Variants in AKAP6 observed in about 807,000 individuals in gnomAD.
AKAP6 encodes the protein A-kinase anchor protein 6.
In AKAP6, 58 loss-of-function variants were observed where a neutral mutation model predicts 188.5. The ratio of observed to expected loss-of-function variants is 0.31; its 90% CI spans 0.25 to 0.38. The LOEUF (loss-of-function observed/expected upper bound fraction) is 0.38, where lower values mean the gene tolerates loss of function less well. Among genes scored for constraint, AKAP6 ranks in the 10% least tolerant of loss-of-function variants. The pLI is 1.00. For missense variants in AKAP6, 2,710 were observed against 2,740.0 expected (o/e 0.99, Z 0.24); for synonymous variants, 989 against 998.6 (o/e 0.99, Z 0.18).
intron 1 of AKAP6, among the ~76,000 whole-genome samples, chr14:32,395,569 T>C (rs995190483): frequency 2.0e-5 from 3 of 152,138 alleles, no homozygotes; most frequent in South Asian, 4.1e-4. Context: ...CAATAAATGT[T>C]CTCACTTTTT....
At chr14:32,446,054 G>A (rs568979741) in intron 2 of AKAP6, among the ~76,000 whole-genome samples, 32 of 152,196 alleles carry the variant, frequency 2.1e-4, no homozygotes, top group African/African-American at 7.7e-4. Flanking sequence ...TATATATAAT[G>A]CATCAAAGAA....
At chr14:32,686,812 C>T (rs1889945707) in intron 8 of AKAP6, among the ~76,000 whole-genome samples, 1 of 152,064 alleles carries the variant, frequency 6.6e-6, no homozygotes, top group Admixed American at 6.6e-5. Context: ...TTAGGGACTT[C>T]CACTCCTGTG....
chr14:32,478,248 G>A (rs917013569), intron 2 of AKAP6, among the ~76,000 whole-genome samples: 8 of 152,194 alleles, frequency 5.3e-5, no homozygotes, highest in Admixed American at 1.3e-4. Context: ...ACACACGTAC[G>A]TGTGCCCACA....
intron 7 of AKAP6, among the ~76,000 whole-genome samples, chr14:32,632,160 A>G (rs1156616930): frequency 1.3e-5 from 2 of 151,952 alleles, no homozygotes; most frequent in Non-Finnish European, 1.5e-5. Flanking sequence ...CATTTACTAT[A>G]CTTTTCCTTT....
At chr14:32,609,880 G>GACACACACACACACAC (rs71115085) in intron 7 of AKAP6, among the ~76,000 whole-genome samples, 4 of 137,330 alleles carry the variant, frequency 2.9e-5, no homozygotes, top group African/African-American at 8.1e-5. Context: ...CTCTCTCTCT[G>GACACACACACACACAC]ACACACACAC....
At chr14:32,486,797 A>G (rs1879718841) in intron 2 of AKAP6, among the ~76,000 whole-genome samples, 1 of 152,216 alleles carries the variant, frequency 6.6e-6, no homozygotes, top group Admixed American at 6.5e-5. Context: ...TCCTATGTGA[A>G]TACTCTTTAT....
At chr14:32,530,359 T>A (rs1181307814) in intron 2 of AKAP6, among the ~76,000 whole-genome samples, 3 of 152,084 alleles carry the variant, frequency 2.0e-5, no homozygotes, top group African/African-American at 7.2e-5. Context: ...TCCTTCTTTT[T>A]TTTTGTGTGT....
At chr14:32,752,190 A>G in intron 11 of AKAP6, among the ~76,000 whole-genome samples, 1 of 152,212 alleles carries the variant, frequency 6.6e-6, no homozygotes. Flanking sequence ...GGGATGAGAA[A>G]CACCATATGT....
chr14:32,657,889 A>C (rs1017246487), intron 7 of AKAP6, among the ~76,000 whole-genome samples: 2 of 152,146 alleles, frequency 1.3e-5, no homozygotes, highest in Non-Finnish European at 2.9e-5. Flanking sequence ...GGCACATCTA[A>C]TTATCATAGT....
intron 12 of AKAP6, among the ~76,000 whole-genome samples, chr14:32,805,198 T>C (rs1369415075): frequency 6.6e-6 from 1 of 152,192 alleles, no homozygotes; most frequent in Non-Finnish European, 1.5e-5. Context: ...ATCTTCCCAA[T>C]TTATGTTCCT....
At chr14:32,672,737 C>T (rs1889263811) in intron 7 of AKAP6, among the ~76,000 whole-genome samples, 1 of 152,168 alleles carries the variant, frequency 6.6e-6, no homozygotes, top group African/African-American at 2.4e-5. Context: ...GTACTAGTTA[C>T]TAGAATCTCT....
intron 12 of AKAP6, among the ~76,000 whole-genome samples, chr14:32,794,816 A>C (rs972942566): frequency 2.0e-5 from 3 of 152,270 alleles, no homozygotes; most frequent in East Asian, 3.9e-4. Flanking sequence ...AAGGAGATAG[A>C]GACATGAAAA....
At chr14:32,374,102 C>A (rs139180499) in intron 1 of AKAP6, among the ~76,000 whole-genome samples, 5 of 152,316 alleles carry the variant, frequency 3.3e-5, no homozygotes, top group Non-Finnish European at 7.3e-5. Context: ...TAGCATACTT[C>A]TTAGTCTGGT....
chr14:32,763,017 A>G (rs909112364), intron 11 of AKAP6, among the ~76,000 whole-genome samples: 5 of 152,124 alleles, frequency 3.3e-5, no homozygotes, highest in Non-Finnish European at 5.9e-5. Flanking sequence ...AATGGTTATA[A>G]GAAATAATTT....
intron 12 of AKAP6, among the ~76,000 whole-genome samples, chr14:32,810,907 G>A (rs1210671936): frequency 6.6e-6 from 1 of 152,124 alleles, no homozygotes; most frequent in Non-Finnish European, 1.5e-5. Flanking sequence ...TAAGCATGAG[G>A]AAAGCAAGAC....
At chr14:32,793,528 A>T (rs1566715811) in intron 12 of AKAP6, among the ~76,000 whole-genome samples, 2 of 152,096 alleles carry the variant, frequency 1.3e-5, no homozygotes, top group Non-Finnish European at 2.9e-5. Context: ...TCATACAGAA[A>T]TTTCTTGGAG....
intron 8 of AKAP6, among the ~76,000 whole-genome samples, chr14:32,694,626 T>C (rs1306172379): frequency 6.6e-6 from 1 of 152,172 alleles, no homozygotes; most frequent in Non-Finnish European, 1.5e-5. Flanking sequence ...TGTTAGCCAA[T>C]GTTGATGCTT....
In AKAP6 at chr14:32,660,926, C is replaced by A. The variant is rs1040696120; in HGVS notation, c.2731-17385C>A. The stretch of plus-strand genomic sequence containing the variant: ...CTCTATATATTTTCTTCCCCGCCAC[C>A]CCCCCCCCTCCCAATTCCAGCCATT... On this transcript the variant is annotated intron_variant, in intron 7 of 13. Transcript: ENST00000280979. 7.8e-4 allele frequency among the ~76,000 whole-genome samples: 60 copies of A among 76,636 alleles called. 2 individuals are homozygous for A. Among genetic ancestry groups the A allele is most frequent in the African/African-American group, 2.9e-3 (48 of 16,362 alleles). The allele number at this position is 76,636 out of a possible 152,430, so 50.3% of individuals were successfully genotyped here.
chr14:32,588,638 GACTGC>G (rs1885352334), intron 5 of AKAP6, among the ~76,000 whole-genome samples: 1 of 152,174 alleles, frequency 6.6e-6, no homozygotes, highest in South Asian at 2.1e-4. Context: ...AATTTTAGGT[GACTGC>G]CACATGGTGG....
Sources: gnomAD v4.1 joint callset for allele counts (sites outside exome capture counted in the v4.1 genomes callset) on GRCh38, gnomAD v4.1.1 for gene constraint, MANE v1.5 for transcripts, NCBI Gene and HGNC (gene_info 2026-07-23, HGNC 2026-07-21) for gene names.